Variants in POF1B observed in about 807,000 individuals in gnomAD.
The protein encoded by POF1B is POF1B actin binding protein.
POF1B carries 53 observed loss-of-function variants against 55.3 expected under a neutral mutation model. The ratio of observed to expected loss-of-function variants is 0.96; its 90% CI spans 0.77 to 1.20. The LOEUF is 1.20. Ranked by LOEUF, POF1B falls within the 50% of genes most tolerant of loss-of-function variation. The probability of loss-of-function intolerance (pLI) is 0.00; values close to 1 mark genes in which losing one functional copy is unlikely to be tolerated. For synonymous variants in POF1B, 188 were observed against 148.3 expected, an observed-to-expected ratio of 1.27 and a Z score of -1.95; for missense variants, 478 against 420.5, an observed-to-expected ratio of 1.14 and a Z score of -1.20.
chrX:85,323,149 C>T (rs1276098389), intron 7 of POF1B, among the ~76,000 whole-genome samples: 9 of 111,400 alleles, frequency 8.1e-5, no homozygotes, highest in African/African-American at 1.3e-4. Flanking sequence ...TGCACACGTA[C>T]ATTTATTGCG....
chrX:85,345,839 G>C, intron 6 of POF1B, 21 bp downstream of exon 6: 3 of 1,162,846 alleles, frequency 2.6e-6, no homozygotes, highest in Non-Finnish European at 3.5e-6. Context: ...GTTTGTTAAG[G>C]AATCAGCTGA....
intron 3 of POF1B, among the ~76,000 whole-genome samples, chrX:85,364,598 G>A (rs1391310016): frequency 9.0e-6 from 1 of 111,439 alleles, no homozygotes; most frequent in Admixed American, 9.5e-5. Flanking sequence ...CTGGCTTGCA[G>A]GGTTTCTGCT....
intron 16 of POF1B, among the ~76,000 whole-genome samples, chrX:85,280,502 A>G (rs1265031973): frequency 9.0e-6 from 1 of 111,300 alleles, no homozygotes; most frequent in African/African-American, 3.3e-5. Context: ...CAGATAAAGA[A>G]ACAGAACATT....
chrX:85,346,181 G>T, intron 5 of POF1B, 139 bp from the exon 6 acceptor site: 1 of 474,587 alleles, frequency 2.1e-6, no homozygotes, highest in Non-Finnish European at 3.1e-6. Context: ...TTTAACTAGT[G>T]ATATTTTTTC....
At position 85,307,214 on chromosome X, in the gene POF1B, T is replaced by C; in HGVS notation, c.1113A>G (p.Lys371=). The change falls in exon 11 of 17, where the codon AAA becomes AAG. Residue 371 remains lysine (K), a synonymous_variant. Coordinates refer to ENST00000262753, the MANE Select transcript of POF1B (RefSeq NM_024921.4). The part of the protein sequence containing the change: ...KDLSFKDTQL[K]EYEELLASVR... ...CTGATGCCAAGAGTTCTTCGTACTCTTTTAATTGAGTGTCTTTGAATGATA... is the reference window on the plus strand; with the variant it reads ...CTGATGCCAAGAGTTCTTCGTACTCCTTTAATTGAGTGTCTTTGAATGATA... 1 of 1,207,415 alleles carries C rather than the reference T, an allele frequency of 8.3e-7. No individual in the cohort carries two copies. Among genetic ancestry groups the C allele is most frequent in the Non-Finnish European group, 1.1e-6 (1 of 893,229 alleles).
chrX:85,344,250 A>T (rs1186726641), intron 6 of POF1B, among the ~76,000 whole-genome samples: 1 of 111,082 alleles, frequency 9.0e-6, no homozygotes, highest in East Asian at 2.9e-4. Context: ...TGAAACCCAG[A>T]ATTTACTTTC....
chrX:85,352,101 C>G (rs1203350680), intron 4 of POF1B, among the ~76,000 whole-genome samples: 1 of 110,668 alleles, frequency 9.0e-6, no homozygotes, highest in Non-Finnish European at 1.9e-5. Flanking sequence ...TAGAAGATGT[C>G]AGCCAATGAA....
intron 9 of POF1B, among the ~76,000 whole-genome samples, chrX:85,309,337 T>C (rs754090646): frequency 1.6e-3 from 162 of 104,365 alleles, no homozygotes; most frequent in African/African-American, 5.6e-3. Flanking sequence ...TTTCAATAAA[T>C]CTCTACTTTT....
intron 15 of POF1B, among the ~76,000 whole-genome samples, chrX:85,291,731 T>A (rs1390294849): frequency 9.0e-6 from 1 of 110,781 alleles, no homozygotes; most frequent in Non-Finnish European, 1.9e-5. Flanking sequence ...TTGACTTTTG[T>A]TGGTGGATAG....
At chrX:85,283,823 A>G (rs1325118469) in intron 15 of POF1B, among the ~76,000 whole-genome samples, 1 of 111,565 alleles carries the variant, frequency 9.0e-6, no homozygotes, top group East Asian at 2.8e-4. Flanking sequence ...CATTATTCAA[A>G]GAACAAAAAT....
chrX:85,353,056 A>C (rs745463070), intron 4 of POF1B, among the ~76,000 whole-genome samples: 1 of 111,456 alleles, frequency 9.0e-6, no homozygotes, highest in East Asian at 2.8e-4. Flanking sequence ...AAATGCCTTT[A>C]CACGTACAGA....
intron 15 of POF1B, among the ~76,000 whole-genome samples, chrX:85,291,627 G>A (rs1453542516): frequency 1.8e-5 from 2 of 111,113 alleles, no homozygotes; most frequent in East Asian, 2.9e-4. Flanking sequence ...GTGTTTTGTA[G>A]TTCTACTTGT....
chrX:85,312,695 T>C (rs189204458), intron 9 of POF1B, among the ~76,000 whole-genome samples: 251 of 111,747 alleles, frequency 2.2e-3, no homozygotes, highest in African/African-American at 7.8e-3. Flanking sequence ...TAAAGTATTT[T>C]TTCTAATTCT....
intron 2 of POF1B, among the ~76,000 whole-genome samples, chrX:85,371,081 G>C (rs1046447816): frequency 9.0e-6 from 1 of 111,540 alleles, no homozygotes; most frequent in Non-Finnish European, 1.9e-5. Flanking sequence ...TAGACTTGGA[G>C]TCAGCAGACC....
chrX:85,376,544 T>A (rs1428079023), intron 2 of POF1B, among the ~76,000 whole-genome samples: 1 of 111,628 alleles, frequency 9.0e-6, no homozygotes, highest in African/African-American at 3.3e-5. Context: ...GCAACTGGTT[T>A]CTACACTTAA....
At chrX:85,375,837 C>T (rs1174307379) in intron 2 of POF1B, among the ~76,000 whole-genome samples, 3 of 112,060 alleles carry the variant, frequency 2.7e-5, no homozygotes, top group African/African-American at 9.7e-5. Context: ...AGGCTGCTCT[C>T]TAGAGTTTCT....
At chrX:85,357,618 A>G (rs1933527419) in intron 4 of POF1B, among the ~76,000 whole-genome samples, 1 of 110,799 alleles carries the variant, frequency 9.0e-6, no homozygotes, top group Non-Finnish European at 1.9e-5. Flanking sequence ...GAGACGGTTG[A>G]CCACCCCATG....
At chrX:85,315,561 T>G (rs1348212455) in intron 8 of POF1B, 146 bp downstream of exon 8, 1 of 360,366 alleles carries the variant, frequency 2.8e-6, no homozygotes, top group Non-Finnish European at 4.6e-6. Context: ...TTATATAATT[T>G]TAAAGGCAAA....
At chrX:85,304,263 T>C in intron 14 of POF1B, 80 bp downstream of exon 14, 1 of 924,569 alleles carries the variant, frequency 1.1e-6, no homozygotes. Flanking sequence ...CCTTTTCTAG[T>C]CCATGGGAAG....
Sources: gnomAD v4.1 joint callset for allele counts (sites outside exome capture counted in the v4.1 genomes callset) on GRCh38, gnomAD v4.1.1 for gene constraint, MANE v1.5 for transcripts, NCBI Gene and HGNC (gene_info 2026-07-23, HGNC 2026-07-21) for gene names.